Variants in WDR93 observed in about 807,000 individuals in gnomAD.
WDR93 encodes WD repeat domain 93.
A neutral mutation model predicts 82.9 loss-of-function variants in WDR93; 73 were observed. The ratio of observed to expected loss-of-function variants is 0.88; its 90% CI spans 0.73 to 1.07. WDR93 has a LOEUF of 1.07. WDR93 is among the 50% of genes least tolerant of loss of function. WDR93 has a pLI of 0.00. For synonymous variants in WDR93, 283 were observed against 300.1 expected, an observed-to-expected ratio of 0.94 and a Z score of 0.59; for missense variants, 738 against 826.0, an observed-to-expected ratio of 0.89 and a Z score of 1.31.
Position 89,727,176 on chromosome 15 carries a change from C to T in WDR93, c.900C>T (p.Pro300=), listed in dbSNP as rs1966770680. The change falls in exon 9 of 17, where the codon CCC becomes CCT. Residue 300 remains proline, a synonymous_variant. Coordinates refer to ENST00000268130, the MANE Select transcript of WDR93 (RefSeq NM_020212.2). ...KPVTGTTFKS[P]LEVFAKIKDC... is the part of the protein sequence containing the mutation. ...ACCTAGGCACCACATTCAAAAGCCC[C>T]CTGGAAGTCTTTGCAAAGATCAAGG... The T allele has an allele frequency of 1.2e-6, 2 of 1,613,528 alleles. No individual in the cohort carries two copies. The highest frequency in any genetic ancestry group is 2.2e-5 in the East Asian group (1 of 44,900).
At chr15:89,720,277 A>AT (rs907743843) in intron 7 of WDR93, among the ~76,000 whole-genome samples, 5 of 151,544 alleles carry the variant, frequency 3.3e-5, no homozygotes, top group Non-Finnish European at 7.4e-5. Context: ...GTAGGTTTTT[A>AT]TTTTTTTATT....
chr15:89,691,332 T>C (rs1326334146), intron 1 of WDR93, among the ~76,000 whole-genome samples: 2 of 152,180 alleles, frequency 1.3e-5, no homozygotes, highest in Non-Finnish European at 1.5e-5. Flanking sequence ...TGCAATGAAA[T>C]TGCACCGCTG....
chr15:89,719,417 A>G (rs774407443), intron 7 of WDR93, among the ~76,000 whole-genome samples: 5 of 152,196 alleles, frequency 3.3e-5, no homozygotes, highest in African/African-American at 9.7e-5. Context: ...CAGGTTATCT[A>G]TTTCTTCTTG....
At chr15:89,690,704 G>A (rs1018808177), upstream of WDR93, 4 of 1,141,510 alleles carry the variant, frequency 3.5e-6, no homozygotes, top group East Asian at 1.0e-4. Flanking sequence ...CGGATCCCCA[G>A]GGAACGGTCA....
intron 9 of WDR93, 112 bp from the exon 10 acceptor site, chr15:89,728,911 C>T: frequency 1.1e-6 from 1 of 918,564 alleles, no homozygotes; most frequent in South Asian, 1.4e-5. Flanking sequence ...CTTCTTACCC[C>T]TGGGAAGGTC....
Position 89,737,635 on chromosome 15 carries a change from C to G in WDR93, c.1671C>G (p.Ile557Met). ...CLMDVAKREI[I>M]CAFAPPGAFP... The stretch of plus-strand genomic sequence containing the variant: ...TGGATGTGGCCAAGCGTGAAATCAT[C>G]TGTGCCTTTGCCCCTCCGGGAGCCT... The change falls in exon 15 of 17, where the codon ATC becomes ATG. Residue 557 changes from isoleucine (I) to methionine (M), a missense_variant. Coordinates refer to ENST00000268130, the MANE Select transcript of WDR93 (RefSeq NM_020212.2). 6.2e-7 allele frequency: 1 copy of G among 1,614,222 alleles called. No individual in the cohort carries two copies. The highest frequency in any genetic ancestry group is 8.5e-7 in the Non-Finnish European group (1 of 1,180,040).
At position 89,737,722 on chromosome 15, in the gene WDR93, G is replaced by A. The variant is rs959621847; in HGVS notation, c.1758G>A (p.Leu586=). ...FAVSPDHPCF[L]LRGDYSHETA... is the part of the protein sequence containing the mutation. ...TGTCTCCAGACCATCCATGTTTCCT[G>A]CTCCGAGGTACAGAAAGGGACCAGG... Residue 586 remains leucine, a synonymous_variant, in exon 15 of 17, where the codon CTG becomes CTA. Transcript: ENST00000268130. The A allele has an allele frequency of 5.6e-6, 9 of 1,614,054 alleles. No individual in the cohort carries two copies. Among genetic ancestry groups the A allele is most frequent in the Admixed American group, 1.7e-5 (1 of 60,002 alleles).
chr15:89,709,266 G>A (rs1321185200), intron 4 of WDR93, among the ~76,000 whole-genome samples: 2 of 152,190 alleles, frequency 1.3e-5, no homozygotes, highest in East Asian at 3.8e-4. Flanking sequence ...AGAGACAAAA[G>A]CAAGGGATCC....
At chr15:89,737,988 C>A in intron 15 of WDR93, 53 bp from the exon 16 acceptor site, 2 of 1,540,162 alleles carry the variant, frequency 1.3e-6, no homozygotes, top group Non-Finnish European at 8.8e-7. Flanking sequence ...GACCACAGAG[C>A]CCACTGAGAA....
At chr15:89,707,403 T>C (rs11634411) in intron 4 of WDR93, among the ~76,000 whole-genome samples, 65,437 of 151,678 alleles carry the variant, frequency 0.43, 14,477 homozygotes, top group African/African-American at 0.47. Flanking sequence ...ATACAAAAAT[T>C]AGTTGAGCAT....
At chr15:89,704,210 C>T (rs1257316304) in intron 3 of WDR93, 2 of 150,970 alleles carry the variant, frequency 1.3e-5, no homozygotes, top group Non-Finnish European at 2.9e-5. Context: ...GTGGTGGGCA[C>T]CCAGGTGCTC....
chr15:89,729,938 C>T (rs1253090535), intron 11 of WDR93, among the ~76,000 whole-genome samples, 169 bp downstream of exon 11: 2 of 152,146 alleles, frequency 1.3e-5, no homozygotes, highest in Non-Finnish European at 2.9e-5. Flanking sequence ...AAGAATCTGT[C>T]TCTGAAATGT....
rs75728597 is a variant in WDR93, at chr15:89,715,083, A to G, written c.744A>G (p.Arg248=). ...CTTCAAATCCAAAGAAAAAAGTCAG[A>G]CAGCCGCAACTGGTAGGAAATATCT... ...QLTSNPKKKV[R]QPQLNSLGPI... is the part of the protein sequence containing the mutation. Residue 248 remains arginine (R), a synonymous_variant, in exon 6 of 17, where the codon AGA becomes AGG. Transcript: ENST00000268130. 6.2e-7 allele frequency: 1 copy of G among 1,613,142 alleles called. No individual in the cohort carries two copies.
At chr15:89,690,894 T>C in intron 1 of WDR93, 37 bp downstream of exon 1, 4 of 450,624 alleles carry the variant, frequency 8.9e-6, no homozygotes, top group Non-Finnish European at 1.6e-5. Context: ...ATGCCGGGGC[T>C]CCCCTCGAGT....
At chr15:89,697,389 G>A (rs948820748) in intron 1 of WDR93, among the ~76,000 whole-genome samples, 1 of 152,062 alleles carries the variant, frequency 6.6e-6, no homozygotes, top group Non-Finnish European at 1.5e-5. Context: ...GTGATCCATG[G>A]GTTATTAAGA....
intron 7 of WDR93, among the ~76,000 whole-genome samples, chr15:89,720,786 A>G (rs1966493205): frequency 6.6e-6 from 1 of 152,204 alleles, no homozygotes; most frequent in Admixed American, 6.5e-5. Flanking sequence ...ATGTACTTGA[A>G]AAGGATGTTT....
intron 5 of WDR93, among the ~76,000 whole-genome samples, chr15:89,712,707 AC>A (rs1346228499): frequency 6.6e-6 from 1 of 152,104 alleles, no homozygotes; most frequent in African/African-American, 2.4e-5. Flanking sequence ...GCTAATACTA[AC>A]CTTGATCACT....
At chr15:89,716,856 G>C in intron 6 of WDR93, 55 bp from the exon 7 acceptor site, 4 of 1,211,200 alleles carry the variant, frequency 3.3e-6, no homozygotes, top group Non-Finnish European at 4.8e-6. Context: ...GATTAAAGGG[G>C]GTGGTAAACA....
At chr15:89,735,261 TTC>T (rs1446525357) in intron 13 of WDR93, among the ~76,000 whole-genome samples, 1 of 152,160 alleles carries the variant, frequency 6.6e-6, no homozygotes, top group Admixed American at 6.5e-5. Flanking sequence ...GTAGCTCCAG[TTC>T]TTTTATTTTC....
Sources: gnomAD v4.1 joint callset for allele counts (sites outside exome capture counted in the v4.1 genomes callset) on GRCh38, gnomAD v4.1.1 for gene constraint, MANE v1.5 for transcripts, NCBI Gene and HGNC (gene_info 2026-07-23, HGNC 2026-07-21) for gene names.